EML1: variants seen among roughly 807,000 people sequenced by gnomAD.
EML1 encodes echinoderm microtubule-associated protein-like 1.
EML1 carries 27 observed loss-of-function variants against 110.4 expected under a neutral mutation model. That is an observed-to-expected ratio of 0.24 (90% CI 0.18 to 0.34). EML1 has a LOEUF of 0.34. EML1 is among the 10% of genes least tolerant of loss of function. The pLI is 1.00. For synonymous variants in EML1, 344 were observed against 385.8 expected, an observed-to-expected ratio of 0.89 and a Z score of 1.27; for missense variants, 741 against 1,030.9, an observed-to-expected ratio of 0.72 and a Z score of 3.85.
At chr14:99,880,631 G>A (rs1191113) in intron 4 of EML1, among the ~76,000 whole-genome samples, 88,467 of 151,970 alleles carry the variant, frequency 0.58, 26,228 homozygotes, top group East Asian at 0.87. Flanking sequence ...CATTGTTCCT[G>A]CAGGCTGTCC....
intron 1 of EML1, among the ~76,000 whole-genome samples, chr14:99,797,387 A>G (rs2057795255): frequency 6.6e-6 from 1 of 152,144 alleles, no homozygotes; most frequent in South Asian, 2.1e-4. Context: ...TTTGACTCTT[A>G]TCAATAATGC....
chr14:99,752,796 A>G (rs2140175260), intron 1 of EML1, among the ~76,000 whole-genome samples: 1 of 152,322 alleles, frequency 6.6e-6, no homozygotes, highest in Middle Eastern at 3.4e-3. Flanking sequence ...GGGAGGAAGC[A>G]CAGGGGGCCT....
chr14:99,838,343 T>G (rs999652911), intron 1 of EML1, among the ~76,000 whole-genome samples: 2 of 152,172 alleles, frequency 1.3e-5, no homozygotes. Flanking sequence ...TGGTGTAAAA[T>G]AAAAAATCAT....
rs993664640 is a variant in EML1, at chr14:99,873,282, A to G, written c.384-5203A>G. ...AAAAATGCTCTGTGACAAATGTGAG[A>G]TAGACTGGTAAATATCTCTTGCTTC... On this transcript the variant is annotated intron_variant, in intron 3 of 21. Coordinates refer to ENST00000262233, the MANE Select transcript of EML1 (RefSeq NM_004434.3). 2.0e-5 allele frequency among the ~76,000 whole-genome samples: 3 copies of G among 152,344 alleles called. No homozygotes were observed. The South Asian group carries it at 6.2e-4, about 32-fold the overall frequency.
At position 99,939,464 on chromosome 14, in the gene EML1, G is replaced by A. The variant is rs371858919; in HGVS notation, c.2322+137G>A. ...AGGCAGATGTGACTCTGTTCTTTGC[G>A]CCCTGAGCACTTCCAGCCGCCCTTA... On this transcript the variant is annotated intron_variant, in intron 21 of 21. Coordinates refer to ENST00000262233, the MANE Select transcript of EML1 (RefSeq NM_004434.3). The surrounding 1 kb of genome is among the most constrained non-coding windows in gnomAD (Gnocchi z 4.2). 1.6e-3 allele frequency: 2,170 copies of A among 1,396,418 alleles called. 58 individuals are homozygous for A. In the South Asian group the frequency reaches 0.028, roughly 18 times the overall value. 86.5% of individuals were successfully genotyped at this position (1,396,418 alleles called of 1,614,324 possible).
At chr14:99,823,209 A>T (rs1484667068) in intron 1 of EML1, among the ~76,000 whole-genome samples, 1 of 152,040 alleles carries the variant, frequency 6.6e-6, no homozygotes, top group Non-Finnish European at 1.5e-5. Context: ...CTTTTAATAA[A>T]ATTGCCACTT....
chr14:99,776,395 T>C (rs916392402), intron 1 of EML1, among the ~76,000 whole-genome samples: 3 of 151,890 alleles, frequency 2.0e-5, no homozygotes, highest in Non-Finnish European at 4.4e-5. Flanking sequence ...TCCCAGCTAC[T>C]TGGGAGACTG....
At chr14:99,778,485 C>A (rs1253996602) in intron 1 of EML1, among the ~76,000 whole-genome samples, 2 of 152,206 alleles carry the variant, frequency 1.3e-5, no homozygotes, top group Non-Finnish European at 2.9e-5. Context: ...TGTTATCCCA[C>A]TGTAGTCTGG....
chr14:99,800,951 G>C (rs1283686006), intron 1 of EML1, among the ~76,000 whole-genome samples: 1 of 152,248 alleles, frequency 6.6e-6, no homozygotes, highest in East Asian at 1.9e-4. Flanking sequence ...GAGTCTTACA[G>C]GAGACCTTCC....
chr14:99,871,504 C>A (rs1241872352), intron 3 of EML1, among the ~76,000 whole-genome samples: 2 of 151,038 alleles, frequency 1.3e-5, no homozygotes, highest in South Asian at 2.1e-4. Context: ...CAGAGCGAGA[C>A]CCTGTCTCAA....
chr14:99,884,339 A>G (rs1205592620), intron 4 of EML1, among the ~76,000 whole-genome samples: 1 of 152,162 alleles, frequency 6.6e-6, no homozygotes, highest in African/African-American at 2.4e-5. Flanking sequence ...AATTCTGAAA[A>G]TTGTTCTCAC....
At chr14:99,856,552 CTT>C (rs1476755651) in intron 2 of EML1, among the ~76,000 whole-genome samples, 7 of 152,126 alleles carry the variant, frequency 4.6e-5, no homozygotes, top group Admixed American at 2.6e-4. Context: ...TGCTTTTTCT[CTT>C]GTCTACTGCA....
At chr14:99,931,984 T>C (rs1055841940) in intron 17 of EML1, among the ~76,000 whole-genome samples, 2 of 152,168 alleles carry the variant, frequency 1.3e-5, no homozygotes, top group Non-Finnish European at 2.9e-5. Context: ...AAGGGAACGT[T>C]TCTCCTGGTT....
At chr14:99,868,381 G>T (rs141085675) in intron 3 of EML1, among the ~76,000 whole-genome samples, 1 of 152,300 alleles carries the variant, frequency 6.6e-6, no homozygotes, top group East Asian at 1.9e-4. Context: ...AGTTTAAGGA[G>T]CATTGGAATT....
chr14:99,840,385 C>A (rs888843695), intron 1 of EML1, among the ~76,000 whole-genome samples: 1 of 152,244 alleles, frequency 6.6e-6, no homozygotes. Context: ...TCACAGCTCA[C>A]CCTCGGCTGG....
intron 12 of EML1, 146 bp downstream of exon 12, chr14:99,910,487 A>C (rs2140049753): frequency 1.6e-6 from 1 of 607,100 alleles, no homozygotes; most frequent in South Asian, 2.4e-5. Context: ...ACATGTGTGC[A>C]TGTGTAACTT....
intron 1 of EML1, among the ~76,000 whole-genome samples, chr14:99,830,026 A>G (rs534236433): frequency 7.2e-5 from 11 of 152,220 alleles, no homozygotes; most frequent in Non-Finnish European, 1.5e-4. Flanking sequence ...GAATTGCCGG[A>G]TCATATGGTG....
chr14:99,757,329 A>T (rs1479542096), intron 1 of EML1, among the ~76,000 whole-genome samples: 2 of 145,334 alleles, frequency 1.4e-5, no homozygotes, highest in Non-Finnish European at 3.0e-5. Context: ...ACAGAGCACG[A>T]CTCCATTTCA....
intron 9 of EML1, among the ~76,000 whole-genome samples, chr14:99,902,240 CTAAG>C (rs1159630336): frequency 6.6e-6 from 1 of 152,188 alleles, no homozygotes; most frequent in Non-Finnish European, 1.5e-5. Flanking sequence ...CCCAAGTAAA[CTAAG>C]TAAGAAGGCT....
Sources: gnomAD v4.1 joint callset for allele counts (sites outside exome capture counted in the v4.1 genomes callset) on GRCh38, gnomAD v4.1.1 for gene constraint, Gnocchi (gnomAD v3.1) non-coding constraint, MANE v1.5 for transcripts, NCBI Gene and HGNC (gene_info 2026-07-23, HGNC 2026-07-21) for gene names.